The following CYP3A7 variants were observed in gnomAD, a reference collection of about 807,000 sequenced individuals.
CYP3A7 encodes cytochrome P450 family 3 subfamily A member 7, also known as cytochrome P450 3A7.
A neutral mutation model predicts 55.2 loss-of-function variants in CYP3A7; 45 were observed. That is an observed-to-expected ratio of 0.82 (90% CI 0.64 to 1.05). CYP3A7 has a LOEUF of 1.05. Ranked by LOEUF, CYP3A7 falls within the 50% of genes least tolerant of loss-of-function variation. CYP3A7 has a pLI of 0.00. For missense variants in CYP3A7, 548 were observed against 605.3 expected (o/e 0.91, Z 0.99); for synonymous variants, 180 against 207.4 (o/e 0.87, Z 1.13).
chr7:99,720,793 G>A (rs1014913711), intron 3 of CYP3A7: 2 of 196,040 alleles, frequency 1.0e-5, no homozygotes, highest in African/African-American at 4.6e-5. Flanking sequence ...AAGAGTATTA[G>A]GTCCATGGAA....
chr7:99,708,728 G>A (rs895681985), intron 11 of CYP3A7, among the ~76,000 whole-genome samples: 1 of 152,032 alleles, frequency 6.6e-6, no homozygotes, highest in African/African-American at 2.4e-5. Context: ...TCATTTGTGG[G>A]ACATAATAAT....
intron 12 of CYP3A7, among the ~76,000 whole-genome samples, 179 bp downstream of exon 12, chr7:99,707,633 C>T (rs766935074): frequency 5.9e-5 from 9 of 152,174 alleles, no homozygotes; most frequent in Non-Finnish European, 1.2e-4. Flanking sequence ...TTTAATGCTA[C>T]AGCTTTTGAA....
chr7:99,728,796 C>G (rs1183737735), intron 2 of CYP3A7, among the ~76,000 whole-genome samples: 3 of 152,126 alleles, frequency 2.0e-5, no homozygotes, highest in African/African-American at 7.2e-5. Context: ...GCCCTTGGAG[C>G]TGGAATAGCA....
chr7:99,707,671 C>A, intron 12 of CYP3A7, 141 bp downstream of exon 12: 1 of 1,393,706 alleles, frequency 7.2e-7, no homozygotes, highest in South Asian at 1.3e-5. Flanking sequence ...CCTTAAAGAT[C>A]ATAGATGGGT....
intron 9 of CYP3A7, among the ~76,000 whole-genome samples, chr7:99,711,267 C>T (rs902330951): frequency 2.0e-5 from 3 of 152,186 alleles, no homozygotes; most frequent in Non-Finnish European, 2.9e-5. Flanking sequence ...GTAGTCTTCT[C>T]TCCCAAGAAA....
At chr7:99,711,829 A>G (rs1357526341) in intron 9 of CYP3A7, among the ~76,000 whole-genome samples, 4 of 152,052 alleles carry the variant, frequency 2.6e-5, no homozygotes, top group African/African-American at 9.7e-5. Context: ...CTCAAACCCC[A>G]CCATTGAACT....
intron 2 of CYP3A7, among the ~76,000 whole-genome samples, chr7:99,726,852 G>A (rs547610217): frequency 1.2e-4 from 19 of 152,074 alleles, no homozygotes; most frequent in African/African-American, 2.7e-4. Flanking sequence ...TTCTCCATCC[G>A]TTACGTACCT....
chr7:99,707,294 A>C (rs1392105688), intron 12 of CYP3A7, among the ~76,000 whole-genome samples: 5 of 152,144 alleles, frequency 3.3e-5, no homozygotes, highest in Non-Finnish European at 5.9e-5. Flanking sequence ...TTCACATGAG[A>C]AGCAATGGGG....
chr7:99,708,586 G>A (rs973137329), intron 11 of CYP3A7, among the ~76,000 whole-genome samples: 7 of 152,034 alleles, frequency 4.6e-5, no homozygotes, highest in Admixed American at 6.5e-5. Context: ...CTACTGTATT[G>A]ATGGAAAGCA....
rs1024508340 is a variant in CYP3A7 at position 99,735,180 on chromosome 7, C to A, written c.-87G>T. On this transcript the variant is annotated 5_prime_UTR_variant, in exon 1 of 13. In the 5' UTR this introduces an upstream ATG that the reference lacks. Coordinates refer to ENST00000336374, the MANE Select transcript of CYP3A7 (RefSeq NM_000765.5). ...GCTGGGCTGTGTGTGTGGAGCTTTCCTGCCCTGCACAGCAGTGATTCAGTG... is the reference window on the plus strand; with the variant it reads ...GCTGGGCTGTGTGTGTGGAGCTTTCATGCCCTGCACAGCAGTGATTCAGTG... 144 of 1,534,686 alleles carry A rather than the reference C, an allele frequency of 9.4e-5. 1 individual carries two copies. The Middle Eastern group carries it at 1.0e-3, about 11-fold the overall frequency.
intron 12 of CYP3A7, among the ~76,000 whole-genome samples, chr7:99,707,426 A>G (rs1057502537): frequency 6.6e-6 from 1 of 152,238 alleles, no homozygotes; most frequent in Non-Finnish European, 1.5e-5. Flanking sequence ...AGCCACTGTC[A>G]TGAGAAAACT....
In CYP3A7 at chr7:99,710,890, G is replaced by C. The variant is rs1040166922; in HGVS notation, c.868C>G (p.Leu290Val). The change falls in exon 10 of 13, where the codon CTG becomes GTG. Residue 290 changes from leucine to valine, a missense_variant and splice_region_variant. Physicochemically the swap from Leu to Val is conservative, Grantham distance 32. Transcript: ENST00000336374. ...NSKDSETHKA[L>V]SDLELMAQSI... is the part of the protein sequence containing the mutation. ...TGGGCCATGAGCTCCAGATCAGACA[G>C]AGCTGAAAGGAGAGAAAAGACATTT... 6.2e-7 allele frequency: 1 copy of C among 1,613,706 alleles called. No homozygotes were observed. The highest frequency in any genetic ancestry group is 2.2e-5 in the East Asian group (1 of 44,834).
chr7:99,730,176 C>T (rs1007332021), intron 2 of CYP3A7, among the ~76,000 whole-genome samples: 1 of 152,080 alleles, frequency 6.6e-6, no homozygotes, highest in South Asian at 2.1e-4. Flanking sequence ...CACAAAGGCT[C>T]GACCAAAGTC....
At chr7:99,731,220 C>A in intron 1 of CYP3A7, 68 bp from the exon 2 acceptor site, 1 of 1,576,002 alleles carries the variant, frequency 6.3e-7, no homozygotes, top group Non-Finnish European at 8.7e-7. Flanking sequence ...TGGTGAGTCA[C>A]TGACTGAGGA....
chr7:99,728,047 C>T (rs746535422), intron 2 of CYP3A7, among the ~76,000 whole-genome samples: 1 of 152,206 alleles, frequency 6.6e-6, no homozygotes, highest in Non-Finnish European at 1.5e-5. Context: ...AACCAGTATT[C>T]CTACTTCTGT....
At chr7:99,724,417 A>G (rs1439344804) in intron 2 of CYP3A7, among the ~76,000 whole-genome samples, 1 of 152,110 alleles carries the variant, frequency 6.6e-6, no homozygotes, top group Non-Finnish European at 1.5e-5. Flanking sequence ...TCTTTTATAC[A>G]TCAGTCTCTC....
intron 2 of CYP3A7, 28 bp from the exon 3 acceptor site, chr7:99,722,376 A>G (rs1393500500): frequency 6.2e-7 from 1 of 1,611,804 alleles, no homozygotes. Context: ...ATAATATTTC[A>G]TTATTATTTT....
chr7:99,731,713 C>T lies in CYP3A7; in HGVS notation c.72-561G>A, dbSNP rs188468186. 8.5e-4 allele frequency among the ~76,000 whole-genome samples: 130 copies of T among 152,270 alleles called. 1 individual carries two copies. Among genetic ancestry groups the T allele is most frequent in the African/African-American group, 2.9e-3 (119 of 41,548 alleles). On this transcript the variant is annotated intron_variant, in intron 1 of 12. Transcript: ENST00000336374. ...CTCTGACCCTGTTTTAGGATCTGGC[C>T]CTTCTTAAACTGTCATTCACAGAGA... is the stretch of plus-strand genomic sequence containing the variant.
rs1451571414 is a variant in CYP3A7, at chr7:99,705,604, G to C, written c.1417-9C>G. 13 of 1,612,516 alleles carry C rather than the reference G, an allele frequency of 8.1e-6. No homozygotes were observed. The highest frequency in any genetic ancestry group is 1.1e-5 in the Non-Finnish European group (13 of 1,179,182). ...CGTAATTTCAGGGGGATCTGCAACAGTTAAACGAGCATATTGAGAAGCATT... is the reference window on the plus strand; with the variant it reads ...CGTAATTTCAGGGGGATCTGCAACACTTAAACGAGCATATTGAGAAGCATT... On this transcript the variant is annotated splice_polypyrimidine_tract_variant and intron_variant, in intron 12 of 12. Transcript: ENST00000336374.
Sources: allele counts gnomAD v4.1 joint callset (sites outside exome capture counted in the v4.1 genomes callset), GRCh38; gene constraint gnomAD v4.1.1; transcripts MANE v1.5; gene names NCBI Gene and HGNC (gene_info 2026-07-23, HGNC 2026-07-21).